LHPP: variants seen among roughly 807,000 people sequenced by gnomAD.
LHPP encodes the protein hLHPP.
LHPP carries 24 observed loss-of-function variants against 30.3 expected under a neutral mutation model. That is an observed-to-expected ratio of 0.79 (90% CI 0.57 to 1.11). The LOEUF (loss-of-function observed/expected upper bound fraction) is 1.11, where lower values mean the gene tolerates loss of function less well. LHPP is among the 50% of genes most tolerant of loss of function. The probability of loss-of-function intolerance (pLI) is 0.00; values close to 1 mark genes in which losing one functional copy is unlikely to be tolerated. For missense variants in LHPP, 356 were observed against 367.2 expected (o/e 0.97, Z 0.25); for synonymous variants, 150 against 157.1 (o/e 0.95, Z 0.34).
chr10:124,574,371 C>A (rs1420846122), intron 6 of LHPP, among the ~76,000 whole-genome samples: 1 of 152,170 alleles, frequency 6.6e-6, no homozygotes, highest in Admixed American at 6.5e-5. Context: ...AAGAGCAGGG[C>A]CCCAAGAGGG....
At chr10:124,533,837 C>G (rs911225803) in intron 6 of LHPP, among the ~76,000 whole-genome samples, 4 of 152,230 alleles carry the variant, frequency 2.6e-5, no homozygotes, top group Non-Finnish European at 5.9e-5. Context: ...GGCCAGACCC[C>G]AAGTGTGTGC....
At chr10:124,589,918 C>T (rs568213219) in intron 6 of LHPP, among the ~76,000 whole-genome samples, 214 of 152,310 alleles carry the variant, frequency 1.4e-3, no homozygotes, top group African/African-American at 4.8e-3. Flanking sequence ...GGCAGTTCTT[C>T]GGGCTGGCGG....
intron 6 of LHPP, among the ~76,000 whole-genome samples, chr10:124,518,227 T>TC (rs1176222371): frequency 6.6e-6 from 1 of 152,160 alleles, no homozygotes; most frequent in African/African-American, 2.4e-5. Flanking sequence ...CTCCCAGGCT[T>TC]CCCCCGACGT....
chr10:124,468,203 T>C (rs957454517), intron 1 of LHPP, among the ~76,000 whole-genome samples: 5 of 152,204 alleles, frequency 3.3e-5, no homozygotes, highest in African/African-American at 9.7e-5. Flanking sequence ...TTCTGTTAAC[T>C]TCTCTGGGTT....
chr10:124,471,057 A>T (rs1454642399), intron 1 of LHPP, among the ~76,000 whole-genome samples: 2 of 152,114 alleles, frequency 1.3e-5, no homozygotes, highest in East Asian at 3.9e-4. Context: ...CAGCCTGTGA[A>T]TATACAGAGT....
chr10:124,591,661 A>G (rs927343389), intron 6 of LHPP, among the ~76,000 whole-genome samples: 2 of 151,808 alleles, frequency 1.3e-5, no homozygotes, highest in African/African-American at 4.8e-5. Flanking sequence ...CTTCCTTAAG[A>G]TGGGAGCTTC....
chr10:124,613,236 C>T (rs765458522), intron 6 of LHPP, 28 bp from the exon 7 acceptor site: 3 of 1,572,800 alleles, frequency 1.9e-6, no homozygotes, highest in Admixed American at 3.3e-5. Context: ...CGTGGGGGCA[C>T]TGACTAACCT....
chr10:124,554,964 A>G (rs1279280509), intron 6 of LHPP, among the ~76,000 whole-genome samples: 1 of 152,184 alleles, frequency 6.6e-6, no homozygotes, highest in African/African-American at 2.4e-5. Context: ...GCACAGACAT[A>G]ATTCACTGAT....
chr10:124,568,000 C>T (rs942318229), intron 6 of LHPP, among the ~76,000 whole-genome samples: 1 of 152,204 alleles, frequency 6.6e-6, no homozygotes, highest in Admixed American at 6.5e-5. Flanking sequence ...GCAACCTCCG[C>T]CTCCCGGGTT....
intron 6 of LHPP, among the ~76,000 whole-genome samples, chr10:124,555,424 C>G (rs915273293): frequency 2.6e-5 from 4 of 152,170 alleles, no homozygotes; most frequent in African/African-American, 7.2e-5. Flanking sequence ...TGGCCCTCCC[C>G]ACTTGTCCAA....
At chr10:124,581,936 C>T (rs1948748019) in intron 6 of LHPP, among the ~76,000 whole-genome samples, 1 of 151,992 alleles carries the variant, frequency 6.6e-6, no homozygotes, top group Admixed American at 6.6e-5. Flanking sequence ...TGCCCACCAC[C>T]ACACCCAGCT....
At chr10:124,553,446 A>ATTT (rs1554891454) in intron 6 of LHPP, among the ~76,000 whole-genome samples, 2 of 103,920 alleles carry the variant, frequency 1.9e-5, no homozygotes, top group African/African-American at 3.3e-5. Flanking sequence ...GATTACAGCC[A>ATTT]TTCTTTTTTT....
At chr10:124,519,774 C>T (rs1303488164) in intron 6 of LHPP, among the ~76,000 whole-genome samples, 1 of 152,098 alleles carries the variant, frequency 6.6e-6, no homozygotes, top group African/African-American at 2.4e-5. Context: ...TATTTCGTTC[C>T]TTTTTATGGC....
At chr10:124,549,341 GAGGA>G (rs1955424598) in intron 6 of LHPP, among the ~76,000 whole-genome samples, 1 of 152,016 alleles carries the variant, frequency 6.6e-6, no homozygotes, top group Non-Finnish European at 1.5e-5. Flanking sequence ...GCTGAGGCAG[GAGGA>G]TCACTTGAGC....
intron 3 of LHPP, among the ~76,000 whole-genome samples, chr10:124,490,947 G>C (rs1338531917): frequency 6.7e-6 from 1 of 149,974 alleles, no homozygotes; most frequent in African/African-American, 2.5e-5. Flanking sequence ...GCACAACCTA[G>C]AGTTCTGGAA....
In LHPP at chr10:124,517,820, G is replaced by A. The variant is rs1954497533; in HGVS notation, c.716+549G>A. Among the ~76,000 whole-genome samples the A allele has an allele frequency of 6.6e-6, 1 of 152,220 alleles. No individual in the cohort carries two copies. Among genetic ancestry groups the A allele is most frequent in the Non-Finnish European group, 1.5e-5 (1 of 68,038 alleles). On this transcript the variant is annotated intron_variant, in intron 6 of 6. Coordinates refer to ENST00000368842, the MANE Select transcript of LHPP (RefSeq NM_022126.4). This position sits in a 1 kb window ranked among gnomAD's most constrained non-coding sequence, Gnocchi z 4.1. ...TGCCTGGTCTGGAGCAGCTGTCAGG[G>A]GTTGGGAGCTCCCAGGCATGTGGAG...
chr10:124,493,605 G>A (rs184577083), intron 3 of LHPP: 2 of 152,340 alleles, frequency 1.3e-5, no homozygotes, highest in Admixed American at 1.3e-4. Context: ...GCTCTTCTGG[G>A]AAAGGTCAAG....
At chr10:124,581,537 G>A (rs933063630) in intron 6 of LHPP, among the ~76,000 whole-genome samples, 19 of 152,148 alleles carry the variant, frequency 1.2e-4, no homozygotes, top group African/African-American at 4.6e-4. Flanking sequence ...TAGTGTATGA[G>A]GGCTGATTTA....
chr10:124,556,914 CAG>C (rs1948309829), intron 6 of LHPP, among the ~76,000 whole-genome samples: 1 of 152,140 alleles, frequency 6.6e-6, no homozygotes, highest in African/African-American at 2.4e-5. Context: ...AGATGGAGCG[CAG>C]AGTCTGTGGT....
Sources: allele counts gnomAD v4.1 joint callset (sites outside exome capture counted in the v4.1 genomes callset), GRCh38; gene constraint gnomAD v4.1.1; non-coding constraint Gnocchi (gnomAD v3.1); transcripts MANE v1.5; gene names NCBI Gene and HGNC (gene_info 2026-07-23, HGNC 2026-07-21).